Variants in RFX7 observed in about 807,000 individuals in gnomAD.
RFX7 encodes the protein regulatory factor X7, also known as DNA-binding protein RFX7.
RFX7 carries 26 observed loss-of-function variants against 111.8 expected under a neutral mutation model. The observed-to-expected ratio is 0.23, with a 90% CI of 0.17 to 0.32. The LOEUF (loss-of-function observed/expected upper bound fraction) is 0.32, where lower values mean the gene tolerates loss of function less well. Among genes scored for constraint, RFX7 ranks in the 10% least tolerant of loss-of-function variants. RFX7 has a pLI of 1.00. For synonymous variants in RFX7, 624 were observed against 624.4 expected (o/e 1.00, Z 0.01); for missense variants, 1,573 against 1,772.9 (o/e 0.89, Z 2.02).
rs201270448 is a variant in RFX7 at position 56,101,007 on chromosome 15, CTT to C, written c.811+350_811+351del. Reference sequence around the variant, plus strand: ...AATTTAATCTTATTATTTTACTTCTCTTATTAATTTAGATACACATATACATA... The same window carrying C: ...AATTTAATCTTATTATTTTACTTCTCATTAATTTAGATACACATATACATA... On this transcript the variant is annotated intron_variant, in intron 8 of 9. Transcript: ENST00000559447. Among the ~76,000 whole-genome samples, 756 of 152,132 alleles carry C rather than the reference CTT, an allele frequency of 5.0e-3. 23 individuals carry two copies. The highest frequency in any genetic ancestry group is 0.04 in the East Asian group (207 of 5,184).
chr15:56,137,511 T>A (rs189156792), intron 5 of RFX7, among the ~76,000 whole-genome samples: 3 of 152,296 alleles, frequency 2.0e-5, no homozygotes, highest in Admixed American at 1.3e-4. Flanking sequence ...TCTCTTTTTT[T>A]CTTATTAGTC....
chr15:56,101,475 T>C lies in RFX7; in HGVS notation c.695A>G (p.Lys232Arg). Reference protein sequence around the residue: ...ACRLVCEWAQKVLSQPFDTVL... With the variant: ...ACRLVCEWAQRVLSQPFDTVL... The stretch of plus-strand genomic sequence containing the variant: ...GGTGTCAAATGGTTGGCTTAACACT[T>C]TCTGGGCCCACTCACACACAAGACG... Residue 232 changes from lysine (K) to arginine (R), a missense_variant, in exon 8 of 10, where the codon AAA becomes AGA. Physicochemically the swap from Lys to Arg is conservative, Grantham distance 26. Around this residue, in one of 7 missense-constraint regions of RFX7, gnomAD observed 288 missense variants for 337.9 expected, o/e 0.85. Transcript: ENST00000559447. 1 of 1,613,706 alleles carries C rather than the reference T, an allele frequency of 6.2e-7. No homozygotes were observed. Among genetic ancestry groups the C allele is most frequent in the South Asian group, 1.1e-5 (1 of 91,056 alleles).
At chr15:56,140,628 C>T (rs963993281) in intron 5 of RFX7, among the ~76,000 whole-genome samples, 15 of 152,254 alleles carry the variant, frequency 9.9e-5, no homozygotes, top group East Asian at 9.7e-4. Context: ...GCTCCTTCCC[C>T]GCTAAATCAC....
At chr15:56,160,576 C>T (rs1056238918) in intron 3 of RFX7, 2 of 151,944 alleles carry the variant, frequency 1.3e-5, no homozygotes, top group African/African-American at 4.8e-5. Context: ...GACACTGATT[C>T]AGGAGCAGTT....
chr15:56,120,765 T>C (rs2140965875), intron 5 of RFX7, among the ~76,000 whole-genome samples: 1 of 152,356 alleles, frequency 6.6e-6, no homozygotes, highest in East Asian at 1.9e-4. Context: ...ATCTGTTGTA[T>C]GTTTTTAGAT....
rs373795444 is a variant in RFX7 at position 56,098,111 on chromosome 15, G to C, written c.1077C>G (p.Ile359Met). Residue 359 changes from isoleucine (I) to methionine (M), a missense_variant, in exon 9 of 10, where the codon ATC becomes ATG. By Grantham distance (10) the Ile-to-Met change is conservative (BLOSUM62 1). Around this residue, in one of 7 missense-constraint regions of RFX7, gnomAD observed 288 missense variants for 337.9 expected, o/e 0.85. Transcript: ENST00000559447. ...TGGGACTAGGGACAGCTGCCACAAC[G>C]ATACCAATAGGTTGAGGAGAAAGGA... The part of the protein sequence containing the change: ...PSILSPQPIG[I>M]VVAAVPSPIP... 1.2e-6 allele frequency: 2 copies of C among 1,613,870 alleles called. No individual in the cohort carries two copies. Among genetic ancestry groups the C allele is most frequent in the Non-Finnish European group, 8.5e-7 (1 of 1,179,802 alleles).
intron 4 of RFX7, among the ~76,000 whole-genome samples, chr15:56,144,128 A>C (rs778507520): frequency 6.6e-6 from 1 of 152,106 alleles, no homozygotes; most frequent in Non-Finnish European, 1.5e-5. Flanking sequence ...AATCCCTCAC[A>C]CTGCATAAAC....
In RFX7 at chr15:56,148,449, T is replaced by C. The variant is rs139845228; in HGVS notation, c.196-3966A>G. On this transcript the variant is annotated intron_variant, in intron 3 of 9. Coordinates refer to ENST00000559447, the MANE Select transcript of RFX7 (RefSeq NM_022841.7). ...CTGTAGCAAACAATCAGATTCAACA[T>C]TCATTTTTATATTATGTGATCAAGG... Among the ~76,000 whole-genome samples, 210 of 152,328 alleles carry C rather than the reference T, an allele frequency of 1.4e-3. 2 individuals carry two copies. Among genetic ancestry groups the C allele is most frequent in the Admixed American group, 8.6e-3 (132 of 15,308 alleles).
At chr15:56,187,938 G>A (rs1160239626) in intron 2 of RFX7, among the ~76,000 whole-genome samples, 3 of 151,822 alleles carry the variant, frequency 2.0e-5, no homozygotes, top group Admixed American at 6.6e-5. Flanking sequence ...GAACAAACAG[G>A]AAAAAAAGAC....
At position 56,087,584 on chromosome 15, in the gene RFX7, A is replaced by T; in HGVS notation, c.*5761T>A. 1 of 456,392 alleles carries T rather than the reference A, an allele frequency of 2.2e-6. No homozygotes were observed. The highest frequency in any genetic ancestry group is 4.4e-6 in the Non-Finnish European group (1 of 226,716). The allele number at this position is 456,392 out of a possible 1,614,324, so 28.3% of individuals were successfully genotyped here. On this transcript the variant is annotated 3_prime_UTR_variant, in exon 10 of 10. Coordinates refer to ENST00000559447, the MANE Select transcript of RFX7 (RefSeq NM_022841.7). ...TGGTAAGTGTCTCCACTTAACTGCA[A>T]GGGAAGTTGGCAGATGCAGCCTTTT...
In RFX7 at chr15:56,096,383, T is replaced by A; in HGVS notation, c.1345A>T (p.Thr449Ser). The change falls in exon 10 of 10, where the codon ACT (threonine) becomes TCT (serine). Residue 449 changes from threonine (T) to serine (S), a missense_variant. This residue lies in a region of RFX7 where 288 missense variants were observed against 337.9 expected (regional missense o/e 0.85). Transcript: ENST00000559447. The part of the protein sequence containing the change: ...TSALTIRSPT[T>S]VLFTSSPIKT... Reference sequence around the variant, plus strand: ...ATGGGACTACTAGTAAAGAGGACAGTAGTTGGAGAGCGAATGGTGAGTGCA... The same window carrying A: ...ATGGGACTACTAGTAAAGAGGACAGAAGTTGGAGAGCGAATGGTGAGTGCA... The A allele has an allele frequency of 6.2e-7, 1 of 1,613,822 alleles. No homozygotes were observed. Among genetic ancestry groups the A allele is most frequent in the Non-Finnish European group, 8.5e-7 (1 of 1,179,836 alleles).
At chr15:56,141,132 A>G (rs2042386668) in intron 5 of RFX7, among the ~76,000 whole-genome samples, 1 of 152,210 alleles carries the variant, frequency 6.6e-6, no homozygotes, top group Non-Finnish European at 1.5e-5. Context: ...TTAGAATTTT[A>G]GAGCTAAAAG....
chr15:56,210,150 G>A (rs1321482912), intron 2 of RFX7, among the ~76,000 whole-genome samples: 1 of 152,012 alleles, frequency 6.6e-6, no homozygotes, highest in Non-Finnish European at 1.5e-5. Context: ...GATATGTCAT[G>A]CTAATACTAG....
At chr15:56,149,547 G>A (rs181399847) in intron 3 of RFX7, among the ~76,000 whole-genome samples, 121 of 152,310 alleles carry the variant, frequency 7.9e-4, no homozygotes, top group Middle Eastern at 3.4e-3. Context: ...TGCAGCCCAC[G>A]GAGGGCGAGG....
intron 5 of RFX7, among the ~76,000 whole-genome samples, chr15:56,104,566 A>G (rs2041803587): frequency 6.6e-6 from 1 of 152,198 alleles, no homozygotes; most frequent in South Asian, 2.1e-4. Flanking sequence ...ACTGGAACAC[A>G]TGGTGGGCAG....
chr15:56,093,223 T>C lies in RFX7; in HGVS notation c.*122A>G, dbSNP rs1010370438. 1.1e-6 allele frequency: 1 copy of C among 903,280 alleles called. No homozygotes were observed. Among genetic ancestry groups the C allele is most frequent in the Non-Finnish European group, 1.6e-6 (1 of 617,362 alleles). The allele number at this position is 903,280 out of a possible 1,614,324, so 56.0% of individuals were successfully genotyped here. ...CATTTCCTACTGAAGAAACCACTTC[T>C]GCAGCAAACGCTTTTAAAATGTCAC... On this transcript the variant is annotated 3_prime_UTR_variant, in exon 10 of 10. Coordinates refer to ENST00000559447, the MANE Select transcript of RFX7 (RefSeq NM_022841.7).
rs1484012198 is a variant in RFX7, at chr15:56,094,701, G to A, written c.3027C>T (p.Cys1009=). 9 of 1,613,828 alleles carry A rather than the reference G, an allele frequency of 5.6e-6. No homozygotes were observed. The highest frequency in any genetic ancestry group is 5.1e-6 in the Non-Finnish European group (6 of 1,179,884). ...CAGGGCTGGGGGGGACACTACTGCT[G>A]CAGTTAGAATGTGGAGTACCAATGG... ...HTPIGTPHSN[C]SSSVPPSPVE... is the part of the protein sequence containing the mutation. The change falls in exon 10 of 10, where the codon TGC becomes TGT. Residue 1009 remains cysteine, a synonymous_variant. Coordinates refer to ENST00000559447, the MANE Select transcript of RFX7 (RefSeq NM_022841.7).
chr15:56,155,624 G>T (rs147409043), intron 3 of RFX7, among the ~76,000 whole-genome samples: 1 of 152,150 alleles, frequency 6.6e-6, no homozygotes, highest in Admixed American at 6.5e-5. Context: ...GCGGGTGTGG[G>T]GCTAGGGGAG....
At chr15:56,112,379 C>CAAAAAAA (rs71110374) in intron 5 of RFX7, among the ~76,000 whole-genome samples, 88 of 71,738 alleles carry the variant, frequency 1.2e-3, no homozygotes, top group African/African-American at 1.4e-3. Flanking sequence ...GAGTACAAAT[C>CAAAAAAA]AAAAAAAAAA....
Sources: gnomAD v4.1 joint callset for allele counts (sites outside exome capture counted in the v4.1 genomes callset) on GRCh38, gnomAD v4.1.1 for gene constraint, gnomAD v4.1.1 regional missense constraint, MANE v1.5 for transcripts, NCBI Gene and HGNC (gene_info 2026-07-23, HGNC 2026-07-21) for gene names.